ANXA10: variants seen among roughly 807,000 people sequenced by gnomAD.
ANXA10 encodes annexin 14.
In ANXA10, 49 loss-of-function variants were observed where a neutral mutation model predicts 53.5. The ratio of observed to expected loss-of-function variants is 0.92; its 90% CI spans 0.73 to 1.16. The LOEUF is 1.16. Among genes scored for constraint, ANXA10 ranks in the 50% most tolerant of loss-of-function variants. The pLI is 0.00. For missense variants in ANXA10, 393 were observed against 394.4 expected, an observed-to-expected ratio of 1.00 and a Z score of 0.03; for synonymous variants, 131 against 128.9, an observed-to-expected ratio of 1.02 and a Z score of -0.11.
chr4:168,177,304 C>A (rs1231850388), intron 6 of ANXA10, among the ~76,000 whole-genome samples: 1 of 152,170 alleles, frequency 6.6e-6, no homozygotes, highest in East Asian at 1.9e-4. Context: ...TGCACAAAGT[C>A]TGAGCTTCAT....
At chr4:168,136,378 T>C (rs1405359545) in intron 2 of ANXA10, among the ~76,000 whole-genome samples, 4 of 152,212 alleles carry the variant, frequency 2.6e-5, no homozygotes, top group East Asian at 1.9e-4. Flanking sequence ...GCAAGTCCTT[T>C]CTGCCTATGA....
At chr4:168,138,167 T>G (rs1047870700) in intron 2 of ANXA10, among the ~76,000 whole-genome samples, 2 of 152,028 alleles carry the variant, frequency 1.3e-5, no homozygotes, top group Admixed American at 6.6e-5. Context: ...TTCACCATGT[T>G]AGCCAGGATG....
chr4:168,155,974 T>A (rs1731645711), intron 3 of ANXA10, among the ~76,000 whole-genome samples: 1 of 68,492 alleles, frequency 1.5e-5, no homozygotes, highest in Non-Finnish European at 2.5e-5. Context: ...TTATATTATA[T>A]GATATATCAT....
At chr4:168,130,404 TC>T (rs1017256889) in intron 2 of ANXA10, among the ~76,000 whole-genome samples, 22 of 152,126 alleles carry the variant, frequency 1.4e-4, no homozygotes, top group African/African-American at 5.3e-4. Flanking sequence ...CTATCTATGC[TC>T]ATGAGAAATG....
chr4:168,093,977 GA>G (rs1222936940), intron 1 of ANXA10, among the ~76,000 whole-genome samples: 2 of 151,830 alleles, frequency 1.3e-5, no homozygotes, highest in Non-Finnish European at 2.9e-5. Context: ...TCACTACAGA[GA>G]AAAAAAGGTA....
rs1034122064 is a variant in ANXA10 at position 168,117,773 on chromosome 4, A to G, written c.19-10311A>G. 5.3e-5 allele frequency among the ~76,000 whole-genome samples: 8 copies of G among 152,340 alleles called. No individual in the cohort carries two copies. In the South Asian group the frequency reaches 1.2e-3, roughly 24 times the overall value. On this transcript the variant is annotated intron_variant, in intron 1 of 11. Coordinates refer to ENST00000359299, the MANE Select transcript of ANXA10 (RefSeq NM_007193.5). Reference sequence around the variant, plus strand: ...TTGAAGAAAGATTAGTAAAAACAAGATAAGTGTTTACCAACTTATTCCACT... The same window carrying G: ...TTGAAGAAAGATTAGTAAAAACAAGGTAAGTGTTTACCAACTTATTCCACT...
intron 1 of ANXA10, among the ~76,000 whole-genome samples, chr4:168,122,140 A>G (rs1231297350): frequency 6.6e-6 from 1 of 152,094 alleles, no homozygotes; most frequent in Non-Finnish European, 1.5e-5. Flanking sequence ...GCCCCCGGCC[A>G]GTTTTTCAGC....
intron 4 of ANXA10, among the ~76,000 whole-genome samples, chr4:168,162,923 T>A (rs559591723): frequency 6.6e-6 from 1 of 152,284 alleles, no homozygotes; most frequent in East Asian, 1.9e-4. Flanking sequence ...CAAGGAAAAG[T>A]GAACAAGCCT....
chr4:168,181,264 G>C (rs567010319), intron 9 of ANXA10, among the ~76,000 whole-genome samples: 1 of 151,686 alleles, frequency 6.6e-6, no homozygotes, highest in African/African-American at 2.4e-5. Context: ...GGTGGCGGGC[G>C]CCTGTAGTCC....
intron 6 of ANXA10, among the ~76,000 whole-genome samples, chr4:168,173,123 C>T (rs976402726): frequency 5.3e-5 from 8 of 152,068 alleles, no homozygotes; most frequent in South Asian, 2.1e-4. Flanking sequence ...GAGTAGGCCT[C>T]ATTGAGAAGA....
At chr4:168,098,294 C>T (rs1309537558) in intron 1 of ANXA10, among the ~76,000 whole-genome samples, 2 of 151,922 alleles carry the variant, frequency 1.3e-5, no homozygotes, top group Admixed American at 6.6e-5. Flanking sequence ...TATGTTTAAG[C>T]AATATGAATC....
chr4:168,156,131 TATTA>T (rs1330712085), intron 3 of ANXA10, among the ~76,000 whole-genome samples: 1 of 38,146 alleles, frequency 2.6e-5, no homozygotes, highest in Admixed American at 5.3e-4. Flanking sequence ...TATTTATATA[TATTA>T]TATATAAAAA....
At chr4:168,175,112 G>A (rs990203679) in intron 6 of ANXA10, among the ~76,000 whole-genome samples, 13 of 152,180 alleles carry the variant, frequency 8.5e-5, no homozygotes, top group Middle Eastern at 6.8e-3. Flanking sequence ...TTAAGAGATC[G>A]AAAAGAAGAG....
intron 2 of ANXA10, among the ~76,000 whole-genome samples, chr4:168,132,167 A>T (rs1403292529): frequency 6.6e-6 from 1 of 152,168 alleles, no homozygotes; most frequent in African/African-American, 2.4e-5. Flanking sequence ...TCAAAGACAC[A>T]TCTGCATTCT....
At chr4:168,128,832 C>G (rs184744033) in intron 2 of ANXA10, among the ~76,000 whole-genome samples, 1 of 151,880 alleles carries the variant, frequency 6.6e-6, no homozygotes, top group Non-Finnish European at 1.5e-5. Context: ...GGACTGTGAA[C>G]TCCCAGAGCT....
At chr4:168,097,322 C>A (rs1173808110) in intron 1 of ANXA10, among the ~76,000 whole-genome samples, 1 of 152,044 alleles carries the variant, frequency 6.6e-6, no homozygotes, top group Admixed American at 6.6e-5. Context: ...ATTCTCTCCT[C>A]TCATCTTGCT....
In ANXA10 at chr4:168,111,536, A is replaced by T. The variant is rs1279477985; in HGVS notation, c.19-16548A>T. On this transcript the variant is annotated intron_variant, in intron 1 of 11. Transcript: ENST00000359299. ...TCCATAACACTTTACAGAGGACACA[A>T]CATTCAAGGCACCTATTCCAGGCTG... Among the ~76,000 whole-genome samples the T allele has an allele frequency of 4.6e-5, 7 of 152,218 alleles. 1 individual carries two copies. Among genetic ancestry groups the T allele is most frequent in the Admixed American group, 3.9e-4 (6 of 15,286 alleles).
In ANXA10 at chr4:168,127,880, A is replaced by AC. The variant is rs569770140; in HGVS notation, c.19-201dup. 4.1e-4 allele frequency: 154 copies of AC among 379,812 alleles called. No homozygotes were observed. In the African/African-American group the frequency reaches 4.2e-3, roughly 10 times the overall value. 23.5% of individuals were successfully genotyped at this position (379,812 alleles called of 1,614,324 possible). A position where few individuals can be genotyped will look rare whatever the true frequency, so the allele number is the denominator to read the frequency against. ...TAGCTGGGATTACAGGCGCCACAAC[A>AC]CCCAGTTAATTTTTTGTATTTTTTG... On this transcript the variant is annotated intron_variant, in intron 1 of 11. Transcript: ENST00000359299.
chr4:168,157,373 T>C (rs1406172513), intron 3 of ANXA10, among the ~76,000 whole-genome samples: 1 of 152,076 alleles, frequency 6.6e-6, no homozygotes, highest in Non-Finnish European at 1.5e-5. Context: ...GTTCCAGTGA[T>C]CCTCCTGACT....
Sources: gnomAD v4.1 joint callset for allele counts (sites outside exome capture counted in the v4.1 genomes callset) on GRCh38, gnomAD v4.1.1 for gene constraint, MANE v1.5 for transcripts, NCBI Gene and HGNC (gene_info 2026-07-23, HGNC 2026-07-21) for gene names.